ACTR3C: variants seen among roughly 807,000 people sequenced by gnomAD.
ACTR3C encodes actin-related protein 3C.
ACTR3C carries 18 observed loss-of-function variants against 26.3 expected under a neutral mutation model. The ratio of observed to expected loss-of-function variants is 0.68; its 90% CI spans 0.47 to 1.01. The LOEUF is 1.01. ACTR3C is among the 50% of genes least tolerant of loss of function. The probability of loss-of-function intolerance (pLI) is 0.00; values close to 1 mark genes in which losing one functional copy is unlikely to be tolerated. For synonymous variants in ACTR3C, 55 were observed against 94.5 expected, an observed-to-expected ratio of 0.58 and a Z score of 2.42; for missense variants, 184 against 250.7, an observed-to-expected ratio of 0.73 and a Z score of 1.80.
the ACTR3C span, among the ~76,000 whole-genome samples, chr7:150,227,280 TTC>T: frequency 2.6e-5 from 4 of 151,462 alleles, no homozygotes; most frequent in Non-Finnish European, 4.4e-5. Flanking sequence ...GATCCATATC[TTC>T]TCCTTTCCCA....
chr7:150,125,809 G>A, the ACTR3C span, among the ~76,000 whole-genome samples: 50 of 152,306 alleles, frequency 3.3e-4, no homozygotes, highest in African/African-American at 1.1e-3. Flanking sequence ...CCTGAAACAG[G>A]ATTCGAACCC....
the ACTR3C span, among the ~76,000 whole-genome samples, chr7:150,137,229 T>C: frequency 6.6e-6 from 1 of 152,184 alleles, no homozygotes; most frequent in Non-Finnish European, 1.5e-5. Flanking sequence ...TGGTGGCCTC[T>C]TGAAGCGGGA....
chr7:150,035,749 C>CGGG, the ACTR3C span, among the ~76,000 whole-genome samples: 1 of 137,246 alleles, frequency 7.3e-6, no homozygotes, highest in African/African-American at 2.7e-5. Flanking sequence ...CCCCGCCTCG[C>CGGG]GGGGGGTGCG....
the ACTR3C span, among the ~76,000 whole-genome samples, chr7:149,882,281 G>A: frequency 6.6e-6 from 1 of 152,190 alleles, no homozygotes; most frequent in Non-Finnish European, 1.5e-5. Context: ...TGCTCTTTGG[G>A]TTCTTGCCTT....
the ACTR3C span, among the ~76,000 whole-genome samples, chr7:150,077,325 A>G: frequency 6.6e-6 from 1 of 152,180 alleles, no homozygotes; most frequent in Non-Finnish European, 1.5e-5. Context: ...GTGTGTGTGC[A>G]CACAAGAAAC....
At chr7:149,931,672 A>G in the ACTR3C span, among the ~76,000 whole-genome samples, 3 of 152,230 alleles carry the variant, frequency 2.0e-5, no homozygotes, top group South Asian at 4.1e-4. Flanking sequence ...TAATTAAAAG[A>G]AGGAAGAAGG....
At chr7:150,056,562 G>A in the ACTR3C span, among the ~76,000 whole-genome samples, 2 of 152,140 alleles carry the variant, frequency 1.3e-5, no homozygotes, top group Non-Finnish European at 2.9e-5. Context: ...AGGTACCACC[G>A]AAATTGCCCA....
chr7:150,154,272 C>T, the ACTR3C span, among the ~76,000 whole-genome samples: 8 of 152,122 alleles, frequency 5.3e-5, no homozygotes, highest in African/African-American at 1.7e-4. Flanking sequence ...AGGATTCCAG[C>T]GTTTTATACC....
chr7:149,885,561 C>T, the ACTR3C span, among the ~76,000 whole-genome samples: 10 of 151,750 alleles, frequency 6.6e-5, no homozygotes, highest in Non-Finnish European at 1.5e-4. Context: ...GATGGATGTT[C>T]TCACCCCTAC....
At chr7:150,302,582 T>C (rs1795513214) in intron 1 of ACTR3C, among the ~76,000 whole-genome samples, 1 of 152,034 alleles carries the variant, frequency 6.6e-6, no homozygotes, top group Admixed American at 6.6e-5. Context: ...GGGTGTAAAA[T>C]CATTTTAAAA....
At chr7:150,024,110 G>A in the ACTR3C span, among the ~76,000 whole-genome samples, 1 of 151,096 alleles carries the variant, frequency 6.6e-6, no homozygotes, top group East Asian at 2.0e-4. Flanking sequence ...CGATCCCAGC[G>A]TCACAGACCA....
the ACTR3C span, among the ~76,000 whole-genome samples, chr7:149,882,312 C>T: frequency 6.6e-6 from 1 of 152,306 alleles, no homozygotes; most frequent in South Asian, 2.1e-4. Context: ...GGATTGGTGG[C>T]ATCTTTAGAC....
the ACTR3C span, among the ~76,000 whole-genome samples, chr7:150,024,318 A>T: frequency 6.6e-6 from 1 of 152,110 alleles, no homozygotes; most frequent in African/African-American, 2.4e-5. Context: ...AGGAGGACCC[A>T]CGGGAGGGTG....
chr7:150,183,069 G>C, the ACTR3C span, among the ~76,000 whole-genome samples: 4 of 150,744 alleles, frequency 2.7e-5, no homozygotes, highest in African/African-American at 1.0e-4. Flanking sequence ...GCAAAATGCT[G>C]CTTGCACATT....
the ACTR3C span, among the ~76,000 whole-genome samples, chr7:150,039,553 G>C: frequency 8.0e-6 from 1 of 125,750 alleles, no homozygotes; most frequent in African/African-American, 2.7e-5. Context: ...CAGAGCCAGG[G>C]GGGGAAGAGG....
At chr7:150,220,000 G>C in the ACTR3C span, among the ~76,000 whole-genome samples, 1 of 146,960 alleles carries the variant, frequency 6.8e-6, no homozygotes, top group Admixed American at 6.6e-5. Flanking sequence ...AGGGTGGCCG[G>C]CGGGAGCGGA....
At chr7:150,168,171 T>C in the ACTR3C span, among the ~76,000 whole-genome samples, 5 of 150,856 alleles carry the variant, frequency 3.3e-5, no homozygotes, top group Admixed American at 2.0e-4. Flanking sequence ...TGTCTAGGGC[T>C]GCACACCTCC....
the ACTR3C span, among the ~76,000 whole-genome samples, chr7:149,988,505 A>G: frequency 6.6e-6 from 1 of 152,214 alleles, no homozygotes; most frequent in Admixed American, 6.5e-5. Context: ...CTGTGTATCC[A>G]TTCATGACAT....
chr7:150,281,369 T>C (rs1225828036), intron 6 of ACTR3C, among the ~76,000 whole-genome samples: 1 of 150,652 alleles, frequency 6.6e-6, no homozygotes, highest in Non-Finnish European at 1.5e-5. Flanking sequence ...ATTCGGGGCA[T>C]GCTCTCCACC....
Sources: gnomAD v4.1 joint callset for allele counts (sites outside exome capture counted in the v4.1 genomes callset) on GRCh38, gnomAD v4.1.1 for gene constraint, MANE v1.5 for transcripts, NCBI Gene and HGNC (gene_info 2026-07-23, HGNC 2026-07-21) for gene names.